ZNF804A: variants seen among roughly 807,000 people sequenced by gnomAD.
The protein encoded by ZNF804A is zinc finger protein 804A.
A neutral mutation model predicts 16.5 loss-of-function variants in ZNF804A; 2 were observed. The observed-to-expected ratio is 0.12, with a 90% CI of 0.05 to 0.38. ZNF804A has a LOEUF of 0.38. Among genes scored for constraint, ZNF804A ranks in the 10% least tolerant of loss-of-function variants. The probability of loss-of-function intolerance (pLI) is 0.99; values close to 1 mark genes in which losing one functional copy is unlikely to be tolerated. For missense variants in ZNF804A, 1,473 were observed against 1,390.7 expected, an observed-to-expected ratio of 1.06 and a Z score of -0.94; for synonymous variants, 534 against 489.6, an observed-to-expected ratio of 1.09 and a Z score of -1.20.
rs763880723 is a variant in ZNF804A, at chr2:184,936,435, C to T, written c.1039C>T (p.Pro347Ser). The T allele has an allele frequency of 6.2e-6, 10 of 1,613,838 alleles. No individual in the cohort carries two copies. The highest frequency in any genetic ancestry group is 2.2e-5 in the South Asian group (2 of 91,070). Residue 347 changes from proline to serine, a missense_variant, in exon 4 of 4, where the codon CCT (proline) becomes TCT (serine). Pro to Ser is a moderately conservative substitution (Grantham distance 74). Transcript: ENST00000302277. ...LESVVINEDI[P>S]VSGNSFELLG... Reference sequence around the variant, plus strand: ...GAGTGTTGTTATTAATGAAGACATACCTGTTAGTGGTAACAGTTTTGAGTT... The same window carrying T: ...GAGTGTTGTTATTAATGAAGACATATCTGTTAGTGGTAACAGTTTTGAGTT...
At chr2:184,845,341 A>G (rs1695495318) in intron 1 of ZNF804A, among the ~76,000 whole-genome samples, 1 of 152,150 alleles carries the variant, frequency 6.6e-6, no homozygotes. Flanking sequence ...GATAAAGATT[A>G]AACATTAGCC....
At chr2:184,669,499 A>G (rs1017560990) in intron 1 of ZNF804A, among the ~76,000 whole-genome samples, 1 of 152,068 alleles carries the variant, frequency 6.6e-6, no homozygotes, top group Non-Finnish European at 1.5e-5. Flanking sequence ...GAAAGGCAAG[A>G]CTGGTAAAAA....
chr2:184,666,504 A>G (rs967484574), intron 1 of ZNF804A, among the ~76,000 whole-genome samples: 4 of 152,034 alleles, frequency 2.6e-5, no homozygotes, highest in African/African-American at 9.7e-5. Context: ...TCTAATATAA[A>G]AATTTATATC....
intron 2 of ZNF804A, among the ~76,000 whole-genome samples, chr2:184,912,869 A>G (rs760986047): frequency 6.6e-6 from 1 of 152,032 alleles, no homozygotes; most frequent in Non-Finnish European, 1.5e-5. Context: ...CAATCCACCT[A>G]TTCTCTACAT....
At position 184,939,057 on chromosome 2, in the gene ZNF804A, G is replaced by A; in HGVS notation, c.*31G>A. On this transcript the variant is annotated 3_prime_UTR_variant, in exon 4 of 4. Transcript: ENST00000302277. ...ACCATAATGGGAAAAAAATACTCTT[G>A]TGAAAACTATTGCTATATGCGTTAA... 1 of 1,601,798 alleles carries A rather than the reference G, an allele frequency of 6.2e-7. No individual in the cohort carries two copies. Among genetic ancestry groups the A allele is most frequent in the Non-Finnish European group, 8.5e-7 (1 of 1,172,224 alleles).
At position 184,716,913 on chromosome 2, in the gene ZNF804A, C is replaced by T. The variant is rs565138982; in HGVS notation, c.111+117843C>T. Among the ~76,000 whole-genome samples, 19 of 152,160 alleles carry T rather than the reference C, an allele frequency of 1.2e-4. 1 individual carries two copies. The South Asian group carries it at 3.3e-3, about 27-fold the overall frequency. ...AATGTCAGATTTTCTTTTTGTACTT[C>T]GTACATGTTAATAAACTTTATACTC... On this transcript the variant is annotated intron_variant, in intron 1 of 3. Coordinates refer to ENST00000302277, the MANE Select transcript of ZNF804A (RefSeq NM_194250.2).
intron 1 of ZNF804A, among the ~76,000 whole-genome samples, chr2:184,689,630 G>A (rs1462212841): frequency 2.6e-5 from 4 of 152,062 alleles, no homozygotes; most frequent in African/African-American, 9.6e-5. Flanking sequence ...AGAGAAGTAT[G>A]TAGTTTAATC....
chr2:184,916,560 A>AAT (rs1685452947), intron 2 of ZNF804A, among the ~76,000 whole-genome samples: 1 of 152,182 alleles, frequency 6.6e-6, no homozygotes, highest in African/African-American at 2.4e-5. Flanking sequence ...GTTGACTCTA[A>AAT]AAAGATTGGC....
chr2:184,733,094 G>GTT (rs1019061151), intron 1 of ZNF804A, among the ~76,000 whole-genome samples: 1 of 152,100 alleles, frequency 6.6e-6, no homozygotes, highest in African/African-American at 2.4e-5. Flanking sequence ...GGACATCTTT[G>GTT]TTTTGTTCCT....
intron 1 of ZNF804A, among the ~76,000 whole-genome samples, chr2:184,725,315 T>G (rs1693390463): frequency 6.6e-6 from 1 of 151,688 alleles, no homozygotes; most frequent in Non-Finnish European, 1.5e-5. Context: ...TAAATCATAT[T>G]TCTATGTTAG....
chr2:184,777,345 G>C (rs937217954), intron 1 of ZNF804A, among the ~76,000 whole-genome samples: 1 of 151,532 alleles, frequency 6.6e-6, no homozygotes, highest in South Asian at 2.1e-4. Flanking sequence ...GCAAGTCTAC[G>C]TGTTTCTAAA....
At chr2:184,709,716 C>A (rs893912366) in intron 1 of ZNF804A, among the ~76,000 whole-genome samples, 3 of 151,098 alleles carry the variant, frequency 2.0e-5, no homozygotes, top group South Asian at 4.1e-4. Flanking sequence ...ATGATTTTTG[C>A]ATATACTTTT....
intron 2 of ZNF804A, among the ~76,000 whole-genome samples, chr2:184,886,820 C>G (rs1358483315): frequency 6.6e-6 from 1 of 152,236 alleles, no homozygotes. Context: ...GGCCTGGGGC[C>G]TGGCCCACAA....
In ZNF804A at chr2:184,938,705, G is replaced by A. The variant is rs1347540754; in HGVS notation, c.3309G>A (p.Leu1103=). 3.1e-6 allele frequency: 5 copies of A among 1,613,244 alleles called. No homozygotes were observed. In the South Asian group the frequency reaches 4.4e-5, roughly 14 times the overall value. The stretch of plus-strand genomic sequence containing the variant: ...TAACCACTATCCATCACACTGTTTT[G>A]CAGCAGCACGCTGCAGCTGCTGCAG... ...TSVTTIHHTV[L]QQHAAAAAAA... Residue 1103 remains leucine, a synonymous_variant, in exon 4 of 4, where the codon TTG becomes TTA. Coordinates refer to ENST00000302277, the MANE Select transcript of ZNF804A (RefSeq NM_194250.2).
At chr2:184,864,875 A>ATTTTTTTT (rs34114485) in intron 1 of ZNF804A, among the ~76,000 whole-genome samples, 29 of 105,478 alleles carry the variant, frequency 2.7e-4, no homozygotes, top group African/African-American at 8.1e-4. Context: ...TATAGTTAGG[A>ATTTTTTTT]TTTTTTTTTT....
intron 1 of ZNF804A, among the ~76,000 whole-genome samples, chr2:184,857,974 G>A (rs1288320770): frequency 1.3e-5 from 2 of 152,026 alleles, no homozygotes; most frequent in Admixed American, 6.6e-5. Flanking sequence ...TGATAGGTAA[G>A]AACTTATTGC....
chr2:184,636,735 T>A (rs1691706469), intron 1 of ZNF804A, among the ~76,000 whole-genome samples: 1 of 152,154 alleles, frequency 6.6e-6, no homozygotes, highest in Non-Finnish European at 1.5e-5. Context: ...AGGCGATTGA[T>A]GAACCTACAT....
In ZNF804A at chr2:184,834,793, A is replaced by G. The variant is rs552991169; in HGVS notation, c.112-31576A>G. ...TTTTACATTCCTGTTAGAAATATACATGCTTCAATTTCTCTGCATGTCAGT... is the reference window on the plus strand; with the variant it reads ...TTTTACATTCCTGTTAGAAATATACGTGCTTCAATTTCTCTGCATGTCAGT... On this transcript the variant is annotated intron_variant, in intron 1 of 3. Coordinates refer to ENST00000302277, the MANE Select transcript of ZNF804A (RefSeq NM_194250.2). Among the ~76,000 whole-genome samples the G allele has an allele frequency of 2.6e-5, 4 of 152,286 alleles. No homozygotes were observed. In the South Asian group the frequency reaches 8.3e-4, roughly 32 times the overall value.
chr2:184,789,517 G>T (rs1376355056), intron 1 of ZNF804A, among the ~76,000 whole-genome samples: 1 of 151,782 alleles, frequency 6.6e-6, no homozygotes, highest in Non-Finnish European at 1.5e-5. Flanking sequence ...TTCATTACTT[G>T]CTATTGATCT....
Sources: gnomAD v4.1 joint callset for allele counts (sites outside exome capture counted in the v4.1 genomes callset) on GRCh38, gnomAD v4.1.1 for gene constraint, MANE v1.5 for transcripts, NCBI Gene and HGNC (gene_info 2026-07-23, HGNC 2026-07-21) for gene names.